The following RAD51B variants were observed in gnomAD, a reference collection of about 807,000 sequenced individuals.
RAD51B encodes the protein DNA repair protein RAD51 homolog 2.
RAD51B carries 38 observed loss-of-function variants against 42.2 expected under a neutral mutation model. The observed-to-expected ratio is 0.90, with a 90% CI of 0.70 to 1.18. The LOEUF (loss-of-function observed/expected upper bound fraction) is 1.18, where lower values mean the gene tolerates loss of function less well. Ranked by LOEUF, RAD51B falls within the 50% of genes most tolerant of loss-of-function variation. The probability of loss-of-function intolerance (pLI) is 0.00; values close to 1 mark genes in which losing one functional copy is unlikely to be tolerated. For missense variants in RAD51B, 373 were observed against 400.7 expected (o/e 0.93, Z 0.59); for synonymous variants, 154 against 145.2 (o/e 1.06, Z -0.43).
At chr14:68,177,169 C>T (rs1357517966) in intron 7 of RAD51B, among the ~76,000 whole-genome samples, 2 of 152,184 alleles carry the variant, frequency 1.3e-5, no homozygotes, top group African/African-American at 4.8e-5. Flanking sequence ...CTTCCAATGG[C>T]AAACAGCACA....
intron 5 of RAD51B, among the ~76,000 whole-genome samples, chr14:67,872,537 C>T (rs1339520555): frequency 2.0e-4 from 29 of 142,590 alleles, no homozygotes; most frequent in African/African-American, 6.4e-4. Context: ...AGATTCAATG[C>T]CATCCCCATC....
chr14:68,641,540 A>G (rs1199740707), intron 10 of RAD51B, among the ~76,000 whole-genome samples: 2 of 151,670 alleles, frequency 1.3e-5, no homozygotes, highest in Non-Finnish European at 2.9e-5. Context: ...CTTAGTGGAA[A>G]AGCTTTGCAT....
chr14:68,398,140 C>G (rs1449774006), intron 8 of RAD51B, among the ~76,000 whole-genome samples: 2 of 152,242 alleles, frequency 1.3e-5, no homozygotes, highest in East Asian at 1.9e-4. Flanking sequence ...GCAGCTGGGA[C>G]AGCTAAAGCT....
intron 11 of RAD51B, among the ~76,000 whole-genome samples, chr14:68,671,422 T>C (rs1206923255): frequency 7.2e-5 from 11 of 152,158 alleles, no homozygotes. Context: ...GGATTCACCT[T>C]GGCCAGACAT....
chr14:68,360,191 C>T lies in RAD51B; in HGVS notation c.854-51233C>T, dbSNP rs537304610. On this transcript the variant is annotated intron_variant, in intron 8 of 10. Coordinates refer to ENST00000471583, the MANE Select transcript of RAD51B (RefSeq NM_133510.4). ...TTGTTCCTCTTCACTCCCTCTTCCC[C>T]AGATGTACTCCTAGACTGAGCTGCT... is the stretch of plus-strand genomic sequence containing the variant. 4.6e-5 allele frequency among the ~76,000 whole-genome samples: 7 copies of T among 152,324 alleles called. No homozygotes were observed. In the East Asian group the frequency reaches 1.3e-3, roughly 29 times the overall value.
chr14:68,635,964 A>AT (rs759739930), intron 10 of RAD51B, among the ~76,000 whole-genome samples: 1,691 of 147,860 alleles, frequency 0.011, 17 homozygotes, highest in Middle Eastern at 0.021. Context: ...AGGACACAGC[A>AT]TTTTTTTTTT....
At position 68,335,311 on chromosome 14, in the gene RAD51B, AAAGAAAAG is replaced by A. The variant is rs765947596; in HGVS notation, c.853+43334_853+43341del. On this transcript the variant is annotated intron_variant, in intron 8 of 10. Transcript: ENST00000471583. The stretch of plus-strand genomic sequence containing the variant: ...GACCCTGTGTCAAAAAAAAAAAAAA[AAAGAAAAG>A]AAAAAAGAAACAGAAAATATGTTAT... Among the ~76,000 whole-genome samples the A allele has an allele frequency of 3.9e-3, 555 of 143,308 alleles. 2 individuals carry two copies. The highest frequency in any genetic ancestry group is 6.4e-3 in the Non-Finnish European group (418 of 65,018). The allele number at this position is 143,308 out of a possible 152,430, so 94.0% of individuals were successfully genotyped here.
intron 7 of RAD51B, among the ~76,000 whole-genome samples, chr14:68,272,132 A>G (rs2081115614): frequency 6.6e-6 from 1 of 152,158 alleles, no homozygotes; most frequent in Non-Finnish European, 1.5e-5. Context: ...CCACGTGATC[A>G]CTGTGGGGGC....
chr14:68,246,911 C>G (rs1190253091), intron 7 of RAD51B, among the ~76,000 whole-genome samples: 1 of 152,158 alleles, frequency 6.6e-6, no homozygotes, highest in Non-Finnish European at 1.5e-5. Context: ...CTGAGCAGCT[C>G]TAAGTTCTGA....
intron 7 of RAD51B, among the ~76,000 whole-genome samples, chr14:67,928,116 C>T (rs781619302): frequency 6.6e-6 from 1 of 152,038 alleles, no homozygotes; most frequent in Non-Finnish European, 1.5e-5. Context: ...TCAGCAGTGA[C>T]TTTATTCAGT....
Position 68,291,106 on chromosome 14 carries a change from C to T in RAD51B, c.757-778C>T, listed in dbSNP as rs542249412. Among the ~76,000 whole-genome samples the T allele has an allele frequency of 4.7e-5, 7 of 147,938 alleles. No individual in the cohort carries two copies. The East Asian group carries it at 1.5e-3, about 31-fold the overall frequency. On this transcript the variant is annotated intron_variant, in intron 7 of 10. Transcript: ENST00000471583. ...TACAGGCATGAGCCACTGTGCCTGT[C>T]CCCAAATTTTAAATTATTAATTGTA...
At chr14:68,421,297 G>A (rs955754087) in intron 9 of RAD51B, among the ~76,000 whole-genome samples, 1 of 152,056 alleles carries the variant, frequency 6.6e-6, no homozygotes. Context: ...GTTGCTGGGG[G>A]AGTATCCCTG....
rs548956656 is a variant in RAD51B, at chr14:68,108,753, C to A, written c.757-183131C>A. Reference sequence around the variant, plus strand: ...CACTGAATTATATACTTTAAAAGGGCGAATTTTATGATATGTGAGTAATAT... The same window carrying A: ...CACTGAATTATATACTTTAAAAGGGAGAATTTTATGATATGTGAGTAATAT... On this transcript the variant is annotated intron_variant, in intron 7 of 10. Transcript: ENST00000471583. Among the ~76,000 whole-genome samples the A allele has an allele frequency of 7.6e-4, 115 of 151,780 alleles. 1 individual carries two copies. Among genetic ancestry groups the A allele is most frequent in the African/African-American group, 2.5e-3 (104 of 41,432 alleles).
At chr14:68,455,738 T>A (rs2253636) in intron 9 of RAD51B, among the ~76,000 whole-genome samples, 127,247 of 150,338 alleles carry the variant, frequency 0.85, 54,079 homozygotes, top group East Asian at 0.97. Context: ...AAAAAAAAAA[T>A]TTTTTTTTAA....
intron 7 of RAD51B, among the ~76,000 whole-genome samples, chr14:68,065,217 C>A (rs2076630529): frequency 1.3e-5 from 2 of 152,170 alleles, no homozygotes; most frequent in South Asian, 2.1e-4. Flanking sequence ...GCAGTTTCTT[C>A]AGCTGTAGTC....
intron 7 of RAD51B, among the ~76,000 whole-genome samples, chr14:68,083,441 T>A (rs1263335008): frequency 1.3e-5 from 2 of 152,198 alleles, no homozygotes; most frequent in Non-Finnish European, 2.9e-5. Context: ...AGGAATATTG[T>A]CACAGCAAGC....
At chr14:68,117,591 C>T (rs376592478) in intron 7 of RAD51B, among the ~76,000 whole-genome samples, 10 of 152,140 alleles carry the variant, frequency 6.6e-5, no homozygotes, top group South Asian at 2.1e-4. Context: ...CAAAAAGGTA[C>T]GATTAGAATA....
At chr14:68,446,936 G>A (rs149691442) in intron 9 of RAD51B, among the ~76,000 whole-genome samples, 3 of 152,278 alleles carry the variant, frequency 2.0e-5, no homozygotes, top group Non-Finnish European at 2.9e-5. Context: ...CACATATTAA[G>A]CTGGGTGCGG....
intron 3 of RAD51B, among the ~76,000 whole-genome samples, chr14:67,830,347 T>C (rs924267934): frequency 6.6e-6 from 1 of 152,224 alleles, no homozygotes; most frequent in Non-Finnish European, 1.5e-5. Context: ...TGGTGACTTA[T>C]ATTATTAATG....
Sources: gnomAD v4.1 joint callset for allele counts (sites outside exome capture counted in the v4.1 genomes callset) on GRCh38, gnomAD v4.1.1 for gene constraint, MANE v1.5 for transcripts, NCBI Gene and HGNC (gene_info 2026-07-23, HGNC 2026-07-21) for gene names.